PPP1R16B: variants seen among roughly 807,000 people sequenced by gnomAD.
PPP1R16B encodes protein phosphatase 1 regulatory subunit 16B.
PPP1R16B carries 14 observed loss-of-function variants against 61.7 expected under a neutral mutation model. The observed-to-expected ratio is 0.23, with a 90% confidence interval of 0.15 to 0.35. The LOEUF is 0.35. PPP1R16B is among the 10% of genes least tolerant of loss of function. The pLI is 1.00. For synonymous variants in PPP1R16B, 266 were observed against 305.3 expected (o/e 0.87, Z 1.34); for missense variants, 547 against 752.5 (o/e 0.73, Z 3.19).
Position 38,835,893 on chromosome 20 carries a change from C to G in PPP1R16B, c.-33C>G. On this transcript the variant is annotated 5_prime_UTR_variant, in exon 2 of 11. Transcript: ENST00000299824. ...CCTGGCCCCCGGTGCACCGTGCTAG[C>G]CCCCAGCCAGGGCGTTGGGGAGGGC... 6.6e-7 allele frequency: 1 copy of G among 1,514,404 alleles called. No homozygotes were observed. Among genetic ancestry groups the G allele is most frequent in the Non-Finnish European group, 8.8e-7 (1 of 1,134,046 alleles). The allele number at this position is 1,514,404 out of a possible 1,614,324, so 93.8% of individuals were successfully genotyped here.
chr20:38,842,946 AAT>A (rs2084917910), intron 2 of PPP1R16B, among the ~76,000 whole-genome samples: 1 of 152,224 alleles, frequency 6.6e-6, no homozygotes, highest in Non-Finnish European at 1.5e-5. Flanking sequence ...AACCATTGAT[AAT>A]ATTTTGGTAT....
At chr20:38,892,402 C>T (rs1359237974) in intron 3 of PPP1R16B, among the ~76,000 whole-genome samples, 1 of 152,106 alleles carries the variant, frequency 6.6e-6, no homozygotes. Flanking sequence ...CCTGGCTGAC[C>T]AGCTGAAACC....
At chr20:38,853,745 G>A (rs1178528014) in intron 2 of PPP1R16B, among the ~76,000 whole-genome samples, 1 of 152,170 alleles carries the variant, frequency 6.6e-6, no homozygotes, top group Non-Finnish European at 1.5e-5. Flanking sequence ...TCTTCTGCTG[G>A]TTCTGCCTGG....
chr20:38,893,939 G>A (rs900016927), intron 3 of PPP1R16B, among the ~76,000 whole-genome samples: 1 of 152,120 alleles, frequency 6.6e-6, no homozygotes, highest in Non-Finnish European at 1.5e-5. Context: ...AAGGCCTGGA[G>A]ATGCTCACCT....
intron 2 of PPP1R16B, among the ~76,000 whole-genome samples, chr20:38,879,025 C>T (rs966892422): frequency 1.4e-4 from 21 of 152,170 alleles, no homozygotes; most frequent in Middle Eastern, 3.4e-3. Context: ...CGTGTTTAGG[C>T]GGGCCAGGCT....
chr20:38,903,952 C>T (rs1354345950), intron 6 of PPP1R16B, among the ~76,000 whole-genome samples: 6 of 152,184 alleles, frequency 3.9e-5, no homozygotes, highest in Non-Finnish European at 5.9e-5. Context: ...CCACGCTGGT[C>T]GTAAGCACTC....
intron 4 of PPP1R16B, 23 bp from the exon 5 acceptor site, chr20:38,900,558 T>C: frequency 6.3e-7 from 1 of 1,589,902 alleles, no homozygotes; most frequent in Non-Finnish European, 8.6e-7. Context: ...TACTTGGCCC[T>C]CACCCTGCCT....
At chr20:38,845,579 G>A (rs927781950) in intron 2 of PPP1R16B, among the ~76,000 whole-genome samples, 1 of 152,222 alleles carries the variant, frequency 6.6e-6, no homozygotes, top group African/African-American at 2.4e-5. Flanking sequence ...CTGAGGAGGT[G>A]ATTTGGGCTC....
chr20:38,919,791 C>A lies in PPP1R16B; in HGVS notation c.*1125C>A, dbSNP rs1601323112. On this transcript the variant is annotated 3_prime_UTR_variant, in exon 11 of 11. Coordinates refer to ENST00000299824, the MANE Select transcript of PPP1R16B (RefSeq NM_015568.4). ...TTCAGCCCAGCCCATCTCAGCCAAC[C>A]CTCCTTAGACTGAGCTGTCAGAGCA... The A allele has an allele frequency of 6.6e-6, 1 of 152,434 alleles. No homozygotes were observed. The highest frequency in any genetic ancestry group is 1.9e-4 in the East Asian group (1 of 5,196). 9.4% of individuals were successfully genotyped at this position (152,434 alleles called of 1,614,324 possible). A position where few individuals can be genotyped will look rare whatever the true frequency, so the allele number is the denominator to read the frequency against.
chr20:38,809,100 C>T (rs977083147), intron 1 of PPP1R16B, among the ~76,000 whole-genome samples: 12 of 152,044 alleles, frequency 7.9e-5, no homozygotes, highest in Non-Finnish European at 1.5e-4. Flanking sequence ...AGGAAATGAT[C>T]ATTGTCACCA....
chr20:38,908,267 C>A, intron 10 of PPP1R16B, 74 bp downstream of exon 10: 1 of 1,562,624 alleles, frequency 6.4e-7, no homozygotes, highest in Non-Finnish European at 8.7e-7. Context: ...CTGGCCTTGC[C>A]TCTTCAACTG....
Position 38,908,036 on chromosome 20 carries a change from T to G in PPP1R16B, c.1037T>G (p.Val346Gly), listed in dbSNP as rs1340426568. Residue 346 changes from valine to glycine, a missense_variant, in exon 10 of 11, where the codon GTG becomes GGG. Transcript: ENST00000299824. ...CCACTTTGTCCTCTCAGGAAGGTGG[T>G]GCGGCGAGCCAGCCTGTCGGACAGG... ...TSSAGSRGKV[V>G]RRASLSDRTN... 6.2e-7 allele frequency: 1 copy of G among 1,614,048 alleles called. No individual in the cohort carries two copies. Among genetic ancestry groups the G allele is most frequent in the Admixed American group, 1.7e-5 (1 of 60,014 alleles).
At chr20:38,846,758 C>T (rs2084937779) in intron 2 of PPP1R16B, among the ~76,000 whole-genome samples, 1 of 152,126 alleles carries the variant, frequency 6.6e-6, no homozygotes, top group African/African-American at 2.4e-5. Context: ...AATCCTAGCA[C>T]TTTGAGAGGC....
chr20:38,821,416 A>G (rs2084772912), intron 1 of PPP1R16B, among the ~76,000 whole-genome samples: 1 of 152,230 alleles, frequency 6.6e-6, no homozygotes, highest in African/African-American at 2.4e-5. Flanking sequence ...CTCTGGAAAG[A>G]TGCCACAGCA....
intron 2 of PPP1R16B, among the ~76,000 whole-genome samples, chr20:38,853,903 A>G (rs188384399): frequency 1.3e-5 from 2 of 152,298 alleles, no homozygotes; most frequent in East Asian, 3.9e-4. Context: ...ACAAGTATTT[A>G]TCCAGCCTTT....
chr20:38,806,575 T>G lies in PPP1R16B; in HGVS notation c.-102+783T>G, dbSNP rs1450874111. ...ATGGGCGGAGACGTGCAGCCGCCCC[T>G]GAGAGGTCGCCCAGAGGGGTCTCCC... is the stretch of plus-strand genomic sequence containing the variant. On this transcript the variant is annotated intron_variant, in intron 1 of 10. Transcript: ENST00000299824. This position sits in a 1 kb window ranked among gnomAD's most constrained non-coding sequence, Gnocchi z 4.5. 6.6e-6 allele frequency among the ~76,000 whole-genome samples: 1 copy of G among 152,016 alleles called. No individual in the cohort carries two copies. Among genetic ancestry groups the G allele is most frequent in the Non-Finnish European group, 1.5e-5 (1 of 67,946 alleles).
chr20:38,840,521 G>A (rs756859220), intron 2 of PPP1R16B, among the ~76,000 whole-genome samples: 13 of 152,012 alleles, frequency 8.6e-5, no homozygotes, highest in South Asian at 2.1e-4. Context: ...TATTCCCTGC[G>A]TTATCTTACC....
chr20:38,911,712 T>C (rs1231902590), intron 10 of PPP1R16B, among the ~76,000 whole-genome samples: 1 of 151,902 alleles, frequency 6.6e-6, no homozygotes, highest in Admixed American at 6.6e-5. Flanking sequence ...AATTTTTCTA[T>C]TTTTAGTAGA....
chr20:38,851,427 T>C (rs2084968279), intron 2 of PPP1R16B, among the ~76,000 whole-genome samples: 1 of 151,714 alleles, frequency 6.6e-6, no homozygotes, highest in Non-Finnish European at 1.5e-5. Context: ...ATTGCACCAT[T>C]GCACTCCAGC....
Sources: gnomAD v4.1 joint callset for allele counts (sites outside exome capture counted in the v4.1 genomes callset) on GRCh38, gnomAD v4.1.1 for gene constraint, Gnocchi (gnomAD v3.1) non-coding constraint, MANE v1.5 for transcripts, NCBI Gene and HGNC (gene_info 2026-07-23, HGNC 2026-07-21) for gene names.